The following NELL1 variants were observed in gnomAD, a reference collection of about 807,000 sequenced individuals.
The protein encoded by NELL1 is neural EGFL like 1.
NELL1 carries 76 observed loss-of-function variants against 107.4 expected under a neutral mutation model. The ratio of observed to expected loss-of-function variants is 0.71; its 90% CI spans 0.59 to 0.86. The LOEUF (loss-of-function observed/expected upper bound fraction) is 0.86, where lower values mean the gene tolerates loss of function less well. Ranked by LOEUF, NELL1 falls within the 40% of genes least tolerant of loss-of-function variation. The pLI, the probability that NELL1 is intolerant of heterozygous loss-of-function variation, is 0.00. For synonymous variants in NELL1, 353 were observed against 341.2 expected, an observed-to-expected ratio of 1.03 and a Z score of -0.38; for missense variants, 1,024 against 1,005.5, an observed-to-expected ratio of 1.02 and a Z score of -0.25.
chr11:20,992,429 G>A (rs1404862428), intron 12 of NELL1, among the ~76,000 whole-genome samples: 1 of 152,212 alleles, frequency 6.6e-6, no homozygotes, highest in Non-Finnish European at 1.5e-5. Flanking sequence ...AATTTAGCCT[G>A]TAGGGACCTT....
At chr11:21,343,790 C>T (rs1850626529) in intron 14 of NELL1, among the ~76,000 whole-genome samples, 1 of 152,020 alleles carries the variant, frequency 6.6e-6, no homozygotes, top group Admixed American at 6.6e-5. Context: ...TTGTAGGTTG[C>T]CAACCCCTAA....
At chr11:20,809,136 C>T (rs924587795) in intron 3 of NELL1, among the ~76,000 whole-genome samples, 1 of 152,074 alleles carries the variant, frequency 6.6e-6, no homozygotes, top group African/African-American at 2.4e-5. Context: ...AGATTTTTAC[C>T]AGTGAATAGG....
At chr11:21,299,592 A>G (rs1849451204) in intron 14 of NELL1, among the ~76,000 whole-genome samples, 1 of 150,232 alleles carries the variant, frequency 6.7e-6, no homozygotes, top group South Asian at 2.1e-4. Flanking sequence ...ATAAATTGGT[A>G]GATTGGTCAC....
intron 14 of NELL1, among the ~76,000 whole-genome samples, chr11:21,238,483 A>G (rs1356252593): frequency 6.6e-6 from 1 of 152,058 alleles, no homozygotes; most frequent in East Asian, 1.9e-4. Context: ...GAAATCACTG[A>G]GAAGGATGAC....
At chr11:20,882,559 A>G (rs1849430040) in intron 4 of NELL1, among the ~76,000 whole-genome samples, 1 of 152,218 alleles carries the variant, frequency 6.6e-6, no homozygotes, top group Admixed American at 6.5e-5. Context: ...ATATACAAAC[A>G]GTATTGTTAT....
intron 2 of NELL1, 68 bp downstream of exon 2, chr11:20,678,128 T>C: frequency 3.2e-6 from 5 of 1,569,598 alleles, no homozygotes; most frequent in Non-Finnish European, 4.4e-6. Flanking sequence ...GGAGTGCTCA[T>C]TTGTTGTGTG....
At chr11:20,824,675 C>T (rs1390050849) in intron 3 of NELL1, among the ~76,000 whole-genome samples, 2 of 151,338 alleles carry the variant, frequency 1.3e-5, no homozygotes, top group African/African-American at 2.4e-5. Flanking sequence ...GCAAATATGA[C>T]TCTTGTTATG....
intron 12 of NELL1, among the ~76,000 whole-genome samples, chr11:21,023,579 T>A (rs895458602): frequency 6.6e-6 from 1 of 152,140 alleles, no homozygotes; most frequent in African/African-American, 2.4e-5. Context: ...CTAAATTTTT[T>A]TTTTAGTGTA....
chr11:20,677,553 T>A (rs762167846), intron 1 of NELL1, among the ~76,000 whole-genome samples: 4 of 152,214 alleles, frequency 2.6e-5, no homozygotes, highest in Non-Finnish European at 4.4e-5. Context: ...TACTTTTTGC[T>A]TCAGAAATGT....
chr11:21,042,011 AC>A (rs1212472876), intron 12 of NELL1, among the ~76,000 whole-genome samples: 1 of 152,188 alleles, frequency 6.6e-6, no homozygotes, highest in African/African-American at 2.4e-5. Flanking sequence ...CTATATTTGA[AC>A]CATCGCTAAG....
chr11:21,545,840 C>T (rs939706424), intron 16 of NELL1, among the ~76,000 whole-genome samples: 8 of 151,888 alleles, frequency 5.3e-5, no homozygotes, highest in African/African-American at 7.3e-5. Flanking sequence ...TCATGGGAGT[C>T]GCCTGGGAAC....
chr11:21,025,602 C>T (rs1852797214), intron 12 of NELL1, among the ~76,000 whole-genome samples: 1 of 152,048 alleles, frequency 6.6e-6, no homozygotes, highest in South Asian at 2.1e-4. Flanking sequence ...GAGTTCTAAA[C>T]ATTAAAATGT....
chr11:21,108,736 G>C (rs1855030015), intron 12 of NELL1, among the ~76,000 whole-genome samples: 1 of 152,020 alleles, frequency 6.6e-6, no homozygotes, highest in Non-Finnish European at 1.5e-5. Flanking sequence ...TGGGGCCTTG[G>C]GTCACTGGAG....
At chr11:20,705,409 T>A (rs1854920729) in intron 2 of NELL1, among the ~76,000 whole-genome samples, 1 of 152,054 alleles carries the variant, frequency 6.6e-6, no homozygotes, top group African/African-American at 2.4e-5. Flanking sequence ...AAACAAGCGA[T>A]GGGGAAAGGA....
At chr11:21,443,380 C>A (rs900287195) in intron 15 of NELL1, among the ~76,000 whole-genome samples, 1 of 152,084 alleles carries the variant, frequency 6.6e-6, no homozygotes, top group Non-Finnish European at 1.5e-5. Context: ...TAAACCATAG[C>A]ACTTTCTTTG....
chr11:21,070,274 C>T (rs1435904479), intron 12 of NELL1, among the ~76,000 whole-genome samples: 7 of 152,058 alleles, frequency 4.6e-5, no homozygotes, highest in African/African-American at 1.7e-4. Context: ...TGGAGGTTTT[C>T]TCATTTAATA....
intron 8 of NELL1, 82 bp downstream of exon 8, chr11:20,927,524 A>G: frequency 7.6e-7 from 1 of 1,318,598 alleles, no homozygotes; most frequent in Admixed American, 2.5e-5. Context: ...TGGTTCTTTA[A>G]TAAATAATAT....
At chr11:20,787,020 A>AAAAAG (rs1463403764) in intron 3 of NELL1, among the ~76,000 whole-genome samples, 1,606 of 146,292 alleles carry the variant, frequency 0.011, 27 homozygotes, top group South Asian at 0.047. Flanking sequence ...AAAAAAAAAA[A>AAAAAG]AAAAAAAAAA....
At chr11:20,732,816 G>T (rs891872984) in intron 2 of NELL1, among the ~76,000 whole-genome samples, 1 of 152,098 alleles carries the variant, frequency 6.6e-6, no homozygotes, top group Non-Finnish European at 1.5e-5. Flanking sequence ...TCGGCGGGGA[G>T]GCATGGGCTT....
Sources: gnomAD v4.1 joint callset for allele counts (sites outside exome capture counted in the v4.1 genomes callset) on GRCh38, gnomAD v4.1.1 for gene constraint, MANE v1.5 for transcripts, NCBI Gene and HGNC (gene_info 2026-07-23, HGNC 2026-07-21) for gene names.